Variants in LHFPL3 observed in about 807,000 individuals in gnomAD.
LHFPL3 encodes the protein LHFPL tetraspan subfamily member 3 protein.
A neutral mutation model predicts 19.3 loss-of-function variants in LHFPL3; 5 were observed. The observed-to-expected ratio is 0.26, with a 90% CI of 0.14 to 0.54. The LOEUF is 0.54. Ranked by LOEUF, LHFPL3 falls within the 20% of genes least tolerant of loss-of-function variation. LHFPL3 has a pLI of 0.94. For missense variants in LHFPL3, 249 were observed against 307.4 expected (o/e 0.81, Z 1.42); for synonymous variants, 133 against 126.2 (o/e 1.05, Z -0.36).
intron 2 of LHFPL3, chr7:104,744,039 C>A (rs932663077): frequency 6.8e-6 from 1 of 147,564 alleles, no homozygotes. Flanking sequence ...TTTTTAGAAA[C>A]AGTGCCTTAC....
chr7:104,824,929 A>G lies in LHFPL3; in HGVS notation c.683-81258A>G, dbSNP rs955921646. Among the ~76,000 whole-genome samples, 6 of 140,432 alleles carry G rather than the reference A, an allele frequency of 4.3e-5. 1 individual carries two copies. The highest frequency in any genetic ancestry group is 7.2e-3 in the Middle Eastern group (2 of 278). The allele number at this position is 140,432 out of a possible 152,430, so 92.1% of individuals were successfully genotyped here. ...AATATAATAATTTTATAATATATAT[A>G]CTATATATATAATGTGTTTAGGAGC... On this transcript the variant is annotated intron_variant, in intron 2 of 2. Transcript: ENST00000424859.
intron 1 of LHFPL3, among the ~76,000 whole-genome samples, chr7:104,540,010 A>C (rs1794455190): frequency 6.6e-6 from 1 of 152,178 alleles, no homozygotes; most frequent in Non-Finnish European, 1.5e-5. Flanking sequence ...AATCATAGGA[A>C]ATAATGAGAT....
At chr7:104,779,807 T>C (rs971439909) in intron 2 of LHFPL3, among the ~76,000 whole-genome samples, 2 of 152,248 alleles carry the variant, frequency 1.3e-5, no homozygotes, top group African/African-American at 4.8e-5. Context: ...CCATAATCCA[T>C]AGTCTTCTTA....
At chr7:104,565,342 G>C (rs558303622) in intron 1 of LHFPL3, among the ~76,000 whole-genome samples, 1 of 152,296 alleles carries the variant, frequency 6.6e-6, no homozygotes, top group South Asian at 2.1e-4. Flanking sequence ...GCTTTAAATA[G>C]TACATTTAAG....
At chr7:104,594,563 C>T (rs1022502663) in intron 1 of LHFPL3, among the ~76,000 whole-genome samples, 1 of 152,076 alleles carries the variant, frequency 6.6e-6, no homozygotes. Context: ...CTCTGTATTT[C>T]CTGAATTTGA....
At chr7:104,594,093 T>C (rs1790788948) in intron 1 of LHFPL3, among the ~76,000 whole-genome samples, 1 of 152,220 alleles carries the variant, frequency 6.6e-6, no homozygotes, top group African/African-American at 2.4e-5. Flanking sequence ...GTTAGCTGGT[T>C]ATTTTGCCCA....
At chr7:104,389,894 G>A (rs1164820266) in intron 1 of LHFPL3, among the ~76,000 whole-genome samples, 1 of 152,026 alleles carries the variant, frequency 6.6e-6, no homozygotes, top group East Asian at 1.9e-4. Context: ...CTAAACGTTA[G>A]AATTAAAACC....
intron 2 of LHFPL3, among the ~76,000 whole-genome samples, chr7:104,754,249 TAAG>T (rs1429580676): frequency 6.6e-6 from 1 of 152,068 alleles, no homozygotes; most frequent in East Asian, 1.9e-4. Context: ...CAGAATAAAA[TAAG>T]AAATAATTAT....
At chr7:104,521,389 A>G (rs146586629) in intron 1 of LHFPL3, among the ~76,000 whole-genome samples, 429 of 152,236 alleles carry the variant, frequency 2.8e-3, no homozygotes, top group Middle Eastern at 6.8e-3. Context: ...ATTTTTGAAT[A>G]GGTGTGGTGT....
At chr7:104,480,999 A>G (rs1004425716) in intron 1 of LHFPL3, among the ~76,000 whole-genome samples, 1 of 152,170 alleles carries the variant, frequency 6.6e-6, no homozygotes, top group African/African-American at 2.4e-5. Flanking sequence ...GGAGACCAGC[A>G]TTCTAGTCTC....
intron 1 of LHFPL3, among the ~76,000 whole-genome samples, chr7:104,682,910 T>C (rs1792734965): frequency 6.6e-6 from 1 of 152,230 alleles, no homozygotes; most frequent in Non-Finnish European, 1.5e-5. Context: ...AAACACAAAC[T>C]GCCACTGCTA....
At chr7:104,808,522 T>G (rs1223062698) in intron 2 of LHFPL3, among the ~76,000 whole-genome samples, 1 of 152,018 alleles carries the variant, frequency 6.6e-6, no homozygotes, top group Non-Finnish European at 1.5e-5. Context: ...GCTTACTGAC[T>G]CCAAAAGCAA....
At chr7:104,591,005 GTC>G (rs1790707271) in intron 1 of LHFPL3, among the ~76,000 whole-genome samples, 1 of 152,082 alleles carries the variant, frequency 6.6e-6, no homozygotes, top group South Asian at 2.1e-4. Context: ...GCTTGTGTGT[GTC>G]TCTGCACATA....
intron 2 of LHFPL3, among the ~76,000 whole-genome samples, chr7:104,876,509 A>C (rs948759254): frequency 3.3e-5 from 5 of 151,280 alleles, no homozygotes; most frequent in Non-Finnish European, 5.9e-5. Context: ...TATGCAGCCA[A>C]AAGACACATG....
intron 2 of LHFPL3, among the ~76,000 whole-genome samples, chr7:104,773,776 G>A (rs965783436): frequency 1.3e-5 from 2 of 152,126 alleles, no homozygotes; most frequent in African/African-American, 4.8e-5. Flanking sequence ...ACAAGCTAAG[G>A]AATGCCAAAG....
intron 2 of LHFPL3, among the ~76,000 whole-genome samples, chr7:104,817,917 G>A (rs1790595844): frequency 6.6e-6 from 1 of 152,160 alleles, no homozygotes. Flanking sequence ...CTATTTAATT[G>A]TAGGTTAATT....
At chr7:104,801,557 G>GTTTGT (rs1322627350) in intron 2 of LHFPL3, among the ~76,000 whole-genome samples, 3 of 151,972 alleles carry the variant, frequency 2.0e-5, no homozygotes, top group Non-Finnish European at 2.9e-5. Flanking sequence ...TTGTATGTTT[G>GTTTGT]TTTGTTTTGT....
intron 1 of LHFPL3, among the ~76,000 whole-genome samples, chr7:104,502,773 G>A (rs41028): frequency 0.14 from 21,189 of 152,086 alleles, 1,611 homozygotes; most frequent in East Asian, 0.21. Context: ...TCCAATGTCG[G>A]TATTGTTAGG....
chr7:104,563,462 C>T (rs1194796729), intron 1 of LHFPL3, among the ~76,000 whole-genome samples: 2 of 152,304 alleles, frequency 1.3e-5, no homozygotes, highest in African/African-American at 4.8e-5. Context: ...CCATCCGTCA[C>T]CCCTTTCTTT....
Sources: gnomAD v4.1 joint callset for allele counts (sites outside exome capture counted in the v4.1 genomes callset) on GRCh38, gnomAD v4.1.1 for gene constraint, MANE v1.5 for transcripts, NCBI Gene and HGNC (gene_info 2026-07-23, HGNC 2026-07-21) for gene names.